Variants in SYNJ2 observed in about 807,000 individuals in gnomAD.
The protein encoded by SYNJ2 is synaptojanin 2, also known as polyphosphatidylinositol phosphatase SYNJ2.
A neutral mutation model predicts 141.3 loss-of-function variants in SYNJ2; 116 were observed. That is an observed-to-expected ratio of 0.82 (90% CI 0.71 to 0.96). The LOEUF (loss-of-function observed/expected upper bound fraction) is 0.96. Among genes scored for constraint, SYNJ2 ranks in the 40% least tolerant of loss-of-function variants. The probability of loss-of-function intolerance (pLI) is 0.00; values close to 1 mark genes in which losing one functional copy is unlikely to be tolerated. For missense variants in SYNJ2, 1,873 were observed against 1,934.8 expected (o/e 0.97, Z 0.60); for synonymous variants, 745 against 777.7 (o/e 0.96, Z 0.70).
chr6:158,002,670 G>A (rs1207510393), intron 1 of SYNJ2, among the ~76,000 whole-genome samples: 1 of 152,194 alleles, frequency 6.6e-6, no homozygotes, highest in Non-Finnish European at 1.5e-5. Context: ...CTTGTCAAAA[G>A]AGAAGGTGCA....
At chr6:158,038,411 A>G (rs1161149861) in intron 4 of SYNJ2, among the ~76,000 whole-genome samples, 1 of 152,158 alleles carries the variant, frequency 6.6e-6, no homozygotes, top group Non-Finnish European at 1.5e-5. Flanking sequence ...TAGAGAGCAT[A>G]ACTTAACCCA....
chr6:158,051,653 T>TA (rs935669625), intron 5 of SYNJ2, among the ~76,000 whole-genome samples: 74 of 151,732 alleles, frequency 4.9e-4, no homozygotes, highest in Admixed American at 2.0e-3. Flanking sequence ...ACTGTTTATA[T>TA]AAAAAAAACC....
intron 2 of SYNJ2, among the ~76,000 whole-genome samples, chr6:158,020,531 C>T (rs1778712431): frequency 6.6e-6 from 1 of 150,842 alleles, no homozygotes; most frequent in South Asian, 2.1e-4. Context: ...TGTGTACTGA[C>T]TCTGTGTGAC....
At position 158,074,677 on chromosome 6, in the gene SYNJ2, G is replaced by A. The variant is rs781649992; in HGVS notation, c.2231G>A (p.Arg744His). Residue 744 changes from arginine (R) to histidine (H), a missense_variant, in exon 16 of 27, where the codon CGC becomes CAC. Transcript: ENST00000355585. ...TYEEVFYFVKRQDWKKLLEFD... is the reference protein window; with the variant it reads ...TYEEVFYFVKHQDWKKLLEFD... ...GAAGAAGTCTTCTATTTTGTTAAACGCCAAGACTGGAAGAAACTTCTGGAA... is the reference window on the plus strand; with the variant it reads ...GAAGAAGTCTTCTATTTTGTTAAACACCAAGACTGGAAGAAACTTCTGGAA... 5.0e-6 allele frequency: 8 copies of A among 1,613,816 alleles called. No individual in the cohort carries two copies. The highest frequency in any genetic ancestry group is 4.4e-5 in the South Asian group (4 of 91,022).
In SYNJ2 at chr6:158,095,973, C is replaced by T. The variant is rs1167570941; in HGVS notation, c.4100C>T (p.Pro1367Leu). 6.2e-7 allele frequency: 1 copy of T among 1,614,188 alleles called. No homozygotes were observed. The highest frequency in any genetic ancestry group is 1.1e-5 in the South Asian group (1 of 91,086). ...QGLTYNSSDS[P>L]SGHPPAAGTV... ...CTCACTTACAATAGCAGTGACAGCC[C>T]CTCTGGGCACCCACCTGCCGCGGGC... Residue 1367 changes from proline to leucine, a missense_variant, in exon 27 of 27, where the codon CCC becomes CTC. Pro to Leu is a moderately conservative substitution (Grantham distance 98). Transcript: ENST00000355585.
At chr6:158,091,453 AG>A (rs1783442457) in intron 25 of SYNJ2, among the ~76,000 whole-genome samples, 1 of 151,604 alleles carries the variant, frequency 6.6e-6, no homozygotes, top group African/African-American at 2.4e-5. Context: ...AAAAAAAAAA[AG>A]AATGGGGCTG....
chr6:157,991,890 C>T (rs1562309819), intron 1 of SYNJ2, among the ~76,000 whole-genome samples: 1 of 147,984 alleles, frequency 6.8e-6, no homozygotes, highest in East Asian at 2.0e-4. Flanking sequence ...TTGAAGCTTA[C>T]TTTGGGAATG....
At position 158,071,122 on chromosome 6, in the gene SYNJ2, G is replaced by A. The variant is rs1781893099; in HGVS notation, c.1941-480G>A. ...TGCTTGAACCTGGGAGGCCACAGTT[G>A]CAGTGAGCTGAGATCACGCTGCTGC... is the stretch of plus-strand genomic sequence containing the variant. On this transcript the variant is annotated intron_variant, in intron 14 of 26. Transcript: ENST00000355585. This position sits in a 1 kb window ranked among gnomAD's most constrained non-coding sequence, Gnocchi z 4.3. Among the ~76,000 whole-genome samples the A allele has an allele frequency of 6.6e-6, 1 of 152,184 alleles. No homozygotes were observed. Among genetic ancestry groups the A allele is most frequent in the Non-Finnish European group, 1.5e-5 (1 of 68,022 alleles).
chr6:158,077,182 C>T (rs911650265), intron 17 of SYNJ2, among the ~76,000 whole-genome samples: 10 of 151,982 alleles, frequency 6.6e-5, no homozygotes, highest in African/African-American at 2.4e-4. Context: ...TTAGTAGAGA[C>T]GGGGTTTCTC....
intron 3 of SYNJ2, 119 bp downstream of exon 3, chr6:158,029,145 T>G (rs1282233163): frequency 8.7e-6 from 12 of 1,378,070 alleles, no homozygotes; most frequent in Non-Finnish European, 9.8e-6. Context: ...GGGGCACCTC[T>G]GGAGAGTTAG....
At chr6:158,067,122 A>G (rs1280510411) in intron 12 of SYNJ2, among the ~76,000 whole-genome samples, 2 of 152,206 alleles carry the variant, frequency 1.3e-5, no homozygotes, top group Non-Finnish European at 2.9e-5. Flanking sequence ...AGGTTCAAGC[A>G]GTTATCCTGC....
chr6:158,048,219 G>A lies in SYNJ2; in HGVS notation c.795+4820G>A, dbSNP rs76195927. ...CGTGTTGGAGGAAGGGAGAGGCCCCGGGGGCAGCTCTCCCAGGCTGAGGGT... is the reference window on the plus strand; with the variant it reads ...CGTGTTGGAGGAAGGGAGAGGCCCCAGGGGCAGCTCTCCCAGGCTGAGGGT... On this transcript the variant is annotated intron_variant, in intron 5 of 26. Coordinates refer to ENST00000355585, the MANE Select transcript of SYNJ2 (RefSeq NM_003898.4). Among the ~76,000 whole-genome samples, 92 of 152,236 alleles carry A rather than the reference G, an allele frequency of 6.0e-4. 1 individual carries two copies. In the East Asian group the frequency reaches 0.016, roughly 27 times the overall value.
chr6:157,989,614 T>C (rs2128314449), intron 1 of SYNJ2, among the ~76,000 whole-genome samples: 1 of 152,072 alleles, frequency 6.6e-6, no homozygotes, highest in South Asian at 2.1e-4. Context: ...AAACATGATC[T>C]CTGGGAGAAA....
chr6:158,083,276 A>T (rs2758273), intron 20 of SYNJ2, among the ~76,000 whole-genome samples, 153 bp from the exon 21 acceptor site: 1 of 151,800 alleles, frequency 6.6e-6, no homozygotes, highest in Non-Finnish European at 1.5e-5. Context: ...AGCTATGCTG[A>T]GCCTGCGTGA....
At position 157,982,161 on chromosome 6, in the gene SYNJ2, T is replaced by G. The variant is rs2128311510; in HGVS notation, c.127+73T>G. 7.9e-7 allele frequency: 1 copy of G among 1,258,644 alleles called. No individual in the cohort carries two copies. Among genetic ancestry groups the G allele is most frequent in the Non-Finnish European group, 1.0e-6 (1 of 1,000,652 alleles). The allele number at this position is 1,258,644 out of a possible 1,614,324, so 78.0% of individuals were successfully genotyped here. On this transcript the variant is annotated intron_variant, in intron 1 of 26. Transcript: ENST00000355585. The surrounding 1 kb of genome is among the most constrained non-coding windows in gnomAD (Gnocchi z 4.0). ...ATTCGCCCAGCCTCGGGAAGACGGG[T>G]ACCCCCCCTTCCCGAGGGGATCGGG...
rs981330825 is a variant in SYNJ2 at position 158,027,384 on chromosome 6, C to T, written c.215-1372C>T. ...CAGACCCCAAAGGCCGGTTTCTACC[C>T]GATGATCTCTTGGGCCCCGTCCCGA... On this transcript the variant is annotated intron_variant, in intron 2 of 26. Transcript: ENST00000355585. The surrounding 1 kb of genome is among the most constrained non-coding windows in gnomAD (Gnocchi z 4.6). 3 of 224,942 alleles carry T rather than the reference C, an allele frequency of 1.3e-5. No individual in the cohort carries two copies. Among genetic ancestry groups the T allele is most frequent in the African/African-American group, 2.3e-5 (1 of 42,748 alleles). 13.9% of individuals were successfully genotyped at this position (224,942 alleles called of 1,614,324 possible). A position where few individuals can be genotyped will look rare whatever the true frequency, so the allele number is the denominator to read the frequency against.
intron 2 of SYNJ2, among the ~76,000 whole-genome samples, chr6:158,024,227 C>T (rs1778920424): frequency 6.6e-6 from 1 of 152,084 alleles, no homozygotes; most frequent in African/African-American, 2.4e-5. Context: ...GAGTTCTAGA[C>T]CAGCCCAGTC....
At chr6:157,994,053 G>T (rs1777555736) in intron 1 of SYNJ2, among the ~76,000 whole-genome samples, 1 of 151,868 alleles carries the variant, frequency 6.6e-6, no homozygotes, top group African/African-American at 2.4e-5. Context: ...CTGACCTCTT[G>T]ATCCACCTGC....
Position 158,092,958 on chromosome 6 carries a change from C to G in SYNJ2, c.3598C>G (p.Pro1200Ala). ...CGAAGAAGCCCTAAGTGCCGTGGCC[C>G]CAAGGGACCTTGAAGCATCCTCTGA... ...ASEEALSAVA[P>A]RDLEASSEPE... is the part of the protein sequence containing the mutation. Residue 1200 changes from proline (P) to alanine (A), a missense_variant, in exon 26 of 27, where the codon CCA (proline) becomes GCA (alanine). Coordinates refer to ENST00000355585, the MANE Select transcript of SYNJ2 (RefSeq NM_003898.4). 4 of 1,605,862 alleles carry G rather than the reference C, an allele frequency of 2.5e-6. No individual in the cohort carries two copies. In the African/African-American group the frequency reaches 5.4e-5, roughly 22 times the overall value.
Sources: allele counts gnomAD v4.1 joint callset (sites outside exome capture counted in the v4.1 genomes callset), GRCh38; gene constraint gnomAD v4.1.1; non-coding constraint Gnocchi (gnomAD v3.1); transcripts MANE v1.5; gene names NCBI Gene and HGNC (gene_info 2026-07-23, HGNC 2026-07-21).